PLB1: variants seen among roughly 807,000 people sequenced by gnomAD.
PLB1 encodes the protein phospholipase B1, also known as phospholipase B1, membrane-associated.
Under a neutral mutation model 227.4 loss-of-function variants are expected in PLB1, and 242 were observed. The observed-to-expected ratio is 1.06, with a 90% CI of 0.96 to 1.18. The LOEUF (loss-of-function observed/expected upper bound fraction) is 1.18, where lower values mean the gene tolerates loss of function less well. PLB1 is among the 50% of genes most tolerant of loss of function. PLB1 has a pLI of 0.00. For missense variants in PLB1, 1,858 were observed against 1,816.3 expected (o/e 1.02, Z -0.42); for synonymous variants, 757 against 682.2 (o/e 1.11, Z -1.71).
At chr2:28,600,977 G>C in intron 36 of PLB1, 117 bp downstream of exon 36, 1 of 954,746 alleles carries the variant, frequency 1.0e-6, no homozygotes, top group Non-Finnish European at 1.6e-6. Context: ...AGGCATTCAA[G>C]CAGTGGTCGG....
intron 54 of PLB1, among the ~76,000 whole-genome samples, chr2:28,630,869 ATCCCCTTC>A (rs1403971810): frequency 6.6e-6 from 1 of 152,080 alleles, no homozygotes; most frequent in Non-Finnish European, 1.5e-5. Flanking sequence ...AGCTGAGAAA[ATCCCCTTC>A]TCCCAGCGGG....
intron 20 of PLB1, 116 bp downstream of exon 20, chr2:28,566,955 AT>A: frequency 9.2e-7 from 1 of 1,091,786 alleles, no homozygotes; most frequent in East Asian, 3.2e-5. Context: ...AGCCCGCTAA[AT>A]TCACCAGGGG....
At chr2:28,633,820 T>A (rs1319522980) in intron 56 of PLB1, among the ~76,000 whole-genome samples, 1 of 152,236 alleles carries the variant, frequency 6.6e-6, no homozygotes, top group Non-Finnish European at 1.5e-5. Context: ...ATGGTTTCTT[T>A]TAATCCAGGC....
chr2:28,547,130 A>G (rs928139772), intron 14 of PLB1, among the ~76,000 whole-genome samples: 29 of 150,764 alleles, frequency 1.9e-4, no homozygotes, highest in African/African-American at 6.8e-4. Flanking sequence ...GAGCTCAGGA[A>G]GTCAAGGCTG....
intron 25 of PLB1, among the ~76,000 whole-genome samples, chr2:28,583,984 G>A (rs1195968618): frequency 6.6e-6 from 1 of 152,112 alleles, no homozygotes; most frequent in Non-Finnish European, 1.5e-5. Flanking sequence ...AACGTTTTCC[G>A]CAGCCTTCCT....
chr2:28,580,880 C>G (rs1679816833), intron 23 of PLB1, among the ~76,000 whole-genome samples: 1 of 152,100 alleles, frequency 6.6e-6, no homozygotes, highest in Admixed American at 6.5e-5. Flanking sequence ...AGTGGCCTTG[C>G]TCTGGCCTGT....
intron 23 of PLB1, among the ~76,000 whole-genome samples, chr2:28,581,786 C>T (rs1680056907): frequency 6.6e-6 from 1 of 151,730 alleles, no homozygotes; most frequent in South Asian, 2.1e-4. Context: ...ATGGGGAAAC[C>T]CCATCTCTAC....
chr2:28,624,533 GA>G (rs912459895), intron 49 of PLB1, among the ~76,000 whole-genome samples: 23 of 146,754 alleles, frequency 1.6e-4, no homozygotes, highest in Admixed American at 7.4e-4. Context: ...TGGAGAGGGA[GA>G]AAAAAAAAAG....
intron 49 of PLB1, among the ~76,000 whole-genome samples, chr2:28,624,455 G>A (rs932498278): frequency 3.3e-5 from 5 of 151,950 alleles, no homozygotes; most frequent in Non-Finnish European, 7.4e-5. Flanking sequence ...AACACCAAAT[G>A]GTATTGTTTT....
rs145400254 is a variant in PLB1 at position 28,568,587 on chromosome 2, T to C, written c.1324+1748T>C. 1.4e-3 allele frequency among the ~76,000 whole-genome samples: 213 copies of C among 152,346 alleles called. 1 individual carries two copies. The highest frequency in any genetic ancestry group is 4.7e-3 in the African/African-American group (197 of 41,580). Reference sequence around the variant, plus strand: ...TCCCCGTTCAACCCCCTGTTCAATTTAATCCAGCAAATATTCCAGTGCTGA... The same window carrying C: ...TCCCCGTTCAACCCCCTGTTCAATTCAATCCAGCAAATATTCCAGTGCTGA... On this transcript the variant is annotated intron_variant, in intron 20 of 57. Transcript: ENST00000327757.
At position 28,496,180 on chromosome 2, in the gene PLB1, C is replaced by G; in HGVS notation, c.55+11C>G. The stretch of plus-strand genomic sequence containing the variant: ...TGCTTCTGGGGCAAGGTAAGCGTGC[C>G]TTTTGCTCAGAGGACAACCAGTGGT... On this transcript the variant is annotated intron_variant, in intron 1 of 57. Transcript: ENST00000327757. The G allele has an allele frequency of 6.2e-7, 1 of 1,613,604 alleles. No homozygotes were observed. Among genetic ancestry groups the G allele is most frequent in the Non-Finnish European group, 8.5e-7 (1 of 1,179,648 alleles).
chr2:28,637,768 ACCT>A (rs1308401490), intron 56 of PLB1, among the ~76,000 whole-genome samples: 2 of 151,758 alleles, frequency 1.3e-5, no homozygotes, highest in African/African-American at 4.9e-5. Context: ...TGCCCTTCTC[ACCT>A]CCTTGCCCAC....
chr2:28,528,746 G>T (rs1670607586), intron 6 of PLB1, among the ~76,000 whole-genome samples: 1 of 152,084 alleles, frequency 6.6e-6, no homozygotes, highest in African/African-American at 2.4e-5. Context: ...AAGCGCTTAG[G>T]ACTGGGCCTG....
chr2:28,622,421 T>G (rs985940168), intron 49 of PLB1, among the ~76,000 whole-genome samples: 2 of 152,222 alleles, frequency 1.3e-5, no homozygotes, highest in African/African-American at 2.4e-5. Flanking sequence ...GTGAAAAGAA[T>G]GTAGTACCAC....
In PLB1 at chr2:28,615,268, A is replaced by G. The variant is rs529761027; in HGVS notation, c.3195+1172A>G. ...GGAGAGTGGGGGAAATGAGATCAGG[A>G]GTGCCAAGGAGCCAGATCACACAAA... On this transcript the variant is annotated intron_variant, in intron 44 of 57. Transcript: ENST00000327757. Among the ~76,000 whole-genome samples, 18 of 152,260 alleles carry G rather than the reference A, an allele frequency of 1.2e-4. No individual in the cohort carries two copies. The South Asian group carries it at 1.9e-3, about 16-fold the overall frequency.
At position 28,625,093 on chromosome 2, in the gene PLB1, A is replaced by G; in HGVS notation, c.3564A>G (p.Arg1188=). 6.2e-7 allele frequency: 1 copy of G among 1,613,374 alleles called. No homozygotes were observed. The highest frequency in any genetic ancestry group is 8.5e-7 in the Non-Finnish European group (1 of 1,179,636). ...MPAQAWDLVE[R]MKNSPDINLE... ...CCCAGGCCTGGGACCTGGTAGAGCG[A>G]ATGAAAAACAGCCCCGTGAGTACAG... Residue 1188 remains arginine, a synonymous_variant, in exon 50 of 58, where the codon CGA becomes CGG. Transcript: ENST00000327757.
intron 20 of PLB1, among the ~76,000 whole-genome samples, chr2:28,567,186 G>A (rs1677100753): frequency 6.6e-6 from 1 of 152,036 alleles, no homozygotes; most frequent in Non-Finnish European, 1.5e-5. Context: ...TGAGATTAGA[G>A]AGAATAAAGA....
chr2:28,616,638 T>C (rs1451876229), intron 44 of PLB1, among the ~76,000 whole-genome samples: 3 of 152,240 alleles, frequency 2.0e-5, no homozygotes, highest in Admixed American at 6.5e-5. Context: ...ATATATCTCA[T>C]GTGCTGATGG....
intron 56 of PLB1, among the ~76,000 whole-genome samples, chr2:28,639,218 G>A (rs1192157671): frequency 2.0e-5 from 3 of 152,114 alleles, no homozygotes; most frequent in African/African-American, 7.2e-5. Context: ...TGTGGAGGTA[G>A]ATGGGAAATG....
Sources: gnomAD v4.1 joint callset for allele counts (sites outside exome capture counted in the v4.1 genomes callset) on GRCh38, gnomAD v4.1.1 for gene constraint, MANE v1.5 for transcripts, NCBI Gene and HGNC (gene_info 2026-07-23, HGNC 2026-07-21) for gene names.